The following SYT12 variants were observed in gnomAD, a reference collection of about 807,000 sequenced individuals.
SYT12 encodes the protein synaptotagmin-12.
SYT12 carries 27 observed loss-of-function variants against 39.5 expected under a neutral mutation model. That is an observed-to-expected ratio of 0.68 (90% CI 0.50 to 0.94). The LOEUF (loss-of-function observed/expected upper bound fraction) is 0.94, where lower values mean the gene tolerates loss of function less well. SYT12 is among the 40% of genes least tolerant of loss of function. The pLI, the probability that SYT12 is intolerant of heterozygous loss-of-function variation, is 0.00. For synonymous variants in SYT12, 233 were observed against 239.7 expected, an observed-to-expected ratio of 0.97 and a Z score of 0.26; for missense variants, 536 against 572.6, an observed-to-expected ratio of 0.94 and a Z score of 0.65.
intron 6 of SYT12, among the ~76,000 whole-genome samples, 160 bp downstream of exon 6, chr11:67,044,873 G>T (rs1276448147): frequency 6.6e-6 from 1 of 152,158 alleles, no homozygotes; most frequent in Admixed American, 6.5e-5. Flanking sequence ...ATGGATAGGG[G>T]GTGGCATGGG....
intron 1 of SYT12, among the ~76,000 whole-genome samples, chr11:67,024,765 A>C (rs1398614070): frequency 1.3e-5 from 2 of 152,162 alleles, no homozygotes; most frequent in Admixed American, 1.3e-4. Flanking sequence ...AAAAGGTTTC[A>C]ACCTAAAGAT....
chr11:67,021,660 C>T (rs992812076), upstream of SYT12, among the ~76,000 whole-genome samples: 1 of 152,150 alleles, frequency 6.6e-6, no homozygotes, highest in Non-Finnish European at 1.5e-5. Context: ...GTGTCTGACT[C>T]CCAACTCCCT....
At chr11:67,043,489 C>A in intron 4 of SYT12, 149 bp from the exon 5 acceptor site, 1 of 748,222 alleles carries the variant, frequency 1.3e-6, no homozygotes, top group Non-Finnish European at 2.2e-6. Flanking sequence ...ACCTTCAAGG[C>A]TGAGCCACCA....
intron 4 of SYT12, among the ~76,000 whole-genome samples, chr11:67,040,572 G>T (rs919227354): frequency 2.0e-5 from 3 of 152,194 alleles, no homozygotes; most frequent in Non-Finnish European, 2.9e-5. Context: ...GGTTGTGGTG[G>T]CTCATGCCTC....
intron 3 of SYT12, among the ~76,000 whole-genome samples, chr11:67,037,516 G>A (rs1237831476): frequency 6.6e-6 from 1 of 151,432 alleles, no homozygotes; most frequent in Non-Finnish European, 1.5e-5. Context: ...TTGGAGACTG[G>A]CCTGGGCAAC....
At chr11:67,014,903 A>G (rs527912556) in intron 3 of SYT12, among the ~76,000 whole-genome samples, 43 of 151,960 alleles carry the variant, frequency 2.8e-4, no homozygotes, top group African/African-American at 8.4e-4. Context: ...TGCCTTGGGT[A>G]TATGCAGGGT....
chr11:67,045,805 C>G lies in SYT12; in HGVS notation c.1020C>G (p.Ala340=). ...GGAAGATGAGCAAAAAGAAGACAGC[C>G]GTGAAGAGGGATGACCCCAACCCGG... ...DGRKMSKKKT[A]VKRDDPNPVF... Residue 340 remains alanine, a synonymous_variant, in exon 7 of 8, where the codon GCC becomes GCG. Coordinates refer to ENST00000527043, the MANE Select transcript of SYT12 (RefSeq NM_177963.4). The G allele has an allele frequency of 6.2e-7, 1 of 1,613,662 alleles. No homozygotes were observed. Among genetic ancestry groups the G allele is most frequent in the South Asian group, 1.1e-5 (1 of 91,052 alleles).
chr11:67,034,808 C>A lies in SYT12; in HGVS notation c.198C>A (p.Tyr66Ter). 6.3e-7 allele frequency: 1 copy of A among 1,584,726 alleles called. No homozygotes were observed. Among genetic ancestry groups the A allele is most frequent in the Non-Finnish European group, 8.6e-7 (1 of 1,169,122 alleles). Residue 66 changes from tyrosine (Y) to a stop codon, truncating the protein, a stop_gained, in exon 3 of 8, where the codon TAC becomes TAA. Coordinates refer to ENST00000527043, the MANE Select transcript of SYT12 (RefSeq NM_177963.4). LOFTEE classifies it high-confidence loss of function. ...NYDYRYLQQKYGESCAEAREK... is the reference protein window; with the variant it reads ...NYDYRYLQQK Reference sequence around the variant, plus strand: ...ACTACAGGTACCTTCAGCAGAAGTACGGCGAGAGCTGCGCAGAGGCCAGGG... The same window carrying A: ...ACTACAGGTACCTTCAGCAGAAGTAAGGCGAGAGCTGCGCAGAGGCCAGGG...
At chr11:67,016,139 G>T (rs1383731062) in intron 3 of SYT12, among the ~76,000 whole-genome samples, 1 of 152,078 alleles carries the variant, frequency 6.6e-6, no homozygotes, top group Admixed American at 6.6e-5. Flanking sequence ...AAATTAGCCG[G>T]GAGTGGTGGC....
Position 67,043,675 on chromosome 11 carries a change from A to T in SYT12, c.659A>T (p.Lys220Met). The change falls in exon 5 of 8, where the codon AAG becomes ATG. Residue 220 changes from lysine (K) to methionine (M), a missense_variant. Transcript: ENST00000527043. ...RNAYSIFFDE[K>M]FSIPLDPTAL... is the part of the protein sequence containing the mutation. ...GCCTACTCCATCTTCTTTGATGAGA[A>T]GTTCTCCATCCCCCTGGATCCCACA... is the stretch of plus-strand genomic sequence containing the variant. 6.2e-7 allele frequency: 1 copy of T among 1,614,142 alleles called. No homozygotes were observed. Among genetic ancestry groups the T allele is most frequent in the Non-Finnish European group, 8.5e-7 (1 of 1,180,042 alleles).
At chr11:67,046,775 AGAG>A (rs1371664365) in intron 7 of SYT12, among the ~76,000 whole-genome samples, 1 of 152,216 alleles carries the variant, frequency 6.6e-6, no homozygotes, top group Admixed American at 6.5e-5. Flanking sequence ...GTGGAGGAGG[AGAG>A]AGATCGGGCT....
rs770206547 is a variant in SYT12 at position 67,045,754 on chromosome 11, C to A, written c.969C>A (p.Val323=). Residue 323 remains valine (V), a synonymous_variant, in exon 7 of 8, where the codon GTC becomes GTA. Coordinates refer to ENST00000527043, the MANE Select transcript of SYT12 (RefSeq NM_177963.4). ...TNDKTTADPF[V]KVYLLQDGRK... ...TCCGCCTGCCCACAGACCCCTTCGTCAAGGTGTACCTGCTGCAGGATGGGA... is the reference window on the plus strand; with the variant it reads ...TCCGCCTGCCCACAGACCCCTTCGTAAAGGTGTACCTGCTGCAGGATGGGA... 1.9e-6 allele frequency: 3 copies of A among 1,613,906 alleles called. No individual in the cohort carries two copies. In the South Asian group the frequency reaches 3.3e-5, roughly 18 times the overall value.
chr11:67,029,100 T>C (rs1039900447), intron 1 of SYT12: 4 of 152,270 alleles, frequency 2.6e-5, no homozygotes, highest in African/African-American at 9.7e-5. Flanking sequence ...AGAACACATC[T>C]GTGAGCCAGA....
intron 7 of SYT12, 64 bp downstream of exon 7, chr11:67,045,941 C>T (rs1854534108): frequency 1.3e-6 from 2 of 1,596,780 alleles, no homozygotes; most frequent in Non-Finnish European, 1.7e-6. Context: ...TGCCGCATCT[C>T]TCCACCTTCT....
chr11:67,029,917 T>C (rs1394683391), intron 1 of SYT12: 2 of 509,644 alleles, frequency 3.9e-6, no homozygotes, highest in Non-Finnish European at 6.9e-6. Flanking sequence ...GTGTTTTATC[T>C]GGCAATCCTG....
chr11:67,042,157 G>A (rs775030150), intron 4 of SYT12, among the ~76,000 whole-genome samples: 1 of 152,154 alleles, frequency 6.6e-6, no homozygotes, highest in Non-Finnish European at 1.5e-5. Context: ...GTATGATCTT[G>A]GTTAAGTCAG....
Position 67,040,019 on chromosome 11 carries a change from C to T in SYT12, c.437C>T (p.Thr146Ile), listed in dbSNP as rs1004692274. ...AACTCCATCTCCTCCGTGAGCAACA[C>T]CTTTGGGCAGGACTTCACACTGGGC... ...SLNSISSVSNTFGQDFTLGQV... is the reference protein window; with the variant it reads ...SLNSISSVSNIFGQDFTLGQV... Residue 146 changes from threonine (T) to isoleucine (I), a missense_variant, in exon 4 of 8, where the codon ACC becomes ATC. Transcript: ENST00000527043. The T allele has an allele frequency of 2.6e-5, 42 of 1,613,798 alleles. No individual in the cohort carries two copies. The highest frequency in any genetic ancestry group is 1.6e-4 in the Middle Eastern group (1 of 6,084).
At chr11:67,011,888 C>G (rs1191043936) in intron 3 of SYT12, among the ~76,000 whole-genome samples, 2 of 151,862 alleles carry the variant, frequency 1.3e-5, no homozygotes, top group East Asian at 3.9e-4. Flanking sequence ...ATCTCAGCCT[C>G]CCGAGTAGGT....
chr11:67,018,985 T>C (rs1361118362), upstream of SYT12, among the ~76,000 whole-genome samples: 1 of 152,144 alleles, frequency 6.6e-6, no homozygotes, highest in Non-Finnish European at 1.5e-5. Context: ...GTTCCAACTG[T>C]ATTCATCGAT....
Sources: allele counts gnomAD v4.1 joint callset (sites outside exome capture counted in the v4.1 genomes callset), GRCh38; gene constraint gnomAD v4.1.1; transcripts MANE v1.5; gene names NCBI Gene and HGNC (gene_info 2026-07-23, HGNC 2026-07-21).